The following FBXO47 variants were observed in gnomAD, a reference collection of about 807,000 sequenced individuals.
FBXO47 encodes the protein F-box protein 47.
Under a neutral mutation model 53.9 loss-of-function variants are expected in FBXO47, and 34 were observed. That is an observed-to-expected ratio of 0.63 (90% confidence interval 0.48 to 0.84). The LOEUF is 0.84. Ranked by LOEUF, FBXO47 falls within the 40% of genes least tolerant of loss-of-function variation. The pLI is 0.00. For synonymous variants in FBXO47, 165 were observed against 181.6 expected, an observed-to-expected ratio of 0.91 and a Z score of 0.73; for missense variants, 485 against 541.3, an observed-to-expected ratio of 0.90 and a Z score of 1.03.
intron 6 of FBXO47, among the ~76,000 whole-genome samples, chr17:38,950,728 A>G (rs1054547948): frequency 6.6e-6 from 1 of 152,122 alleles, no homozygotes; most frequent in Non-Finnish European, 1.5e-5. Context: ...GGTTTACAGG[A>G]TGCTATAATG....
chr17:38,958,060 A>G (rs1026394468), intron 3 of FBXO47, among the ~76,000 whole-genome samples: 1 of 151,890 alleles, frequency 6.6e-6, no homozygotes, highest in Admixed American at 6.6e-5. Flanking sequence ...CGATCTCTTG[A>G]CCTCATGATC....
chr17:38,957,095 A>G, intron 4 of FBXO47, 82 bp downstream of exon 4: 1 of 871,754 alleles, frequency 1.1e-6, no homozygotes, highest in South Asian at 1.6e-5. Flanking sequence ...CTACTAATAT[A>G]GAGTAAAATG....
intron 6 of FBXO47, among the ~76,000 whole-genome samples, chr17:38,945,592 A>G (rs1221679389): frequency 6.6e-6 from 1 of 152,074 alleles, no homozygotes; most frequent in African/African-American, 2.4e-5. Context: ...TGAGGTCAGG[A>G]GTTCAAGACC....
chr17:38,964,822 T>A (rs1286070035), intron 1 of FBXO47, among the ~76,000 whole-genome samples: 1 of 150,432 alleles, frequency 6.6e-6, no homozygotes, highest in African/African-American at 2.4e-5. Context: ...CACTAAATAA[T>A]TTTTTTTTTA....
intron 5 of FBXO47, among the ~76,000 whole-genome samples, chr17:38,952,266 G>A (rs1179618128): frequency 1.3e-5 from 2 of 152,086 alleles, no homozygotes; most frequent in African/African-American, 2.4e-5. Context: ...AGGCTGCGGT[G>A]AGCCAAGATT....
Position 38,945,945 on chromosome 17 carries a change from A to AT in FBXO47, c.617-810_617-809insA, listed in dbSNP as rs1301925532. On this transcript the variant is annotated intron_variant, in intron 6 of 10. Coordinates refer to ENST00000378079, the MANE Select transcript of FBXO47 (RefSeq NM_001008777.3). ...AGCGAGACTCTGGCTCAAAAAAAAA[A>AT]AAAATATATATATATATATAAATAT... Among the ~76,000 whole-genome samples, 18 of 134,622 alleles carry AT rather than the reference A, an allele frequency of 1.3e-4. No homozygotes were observed. The East Asian group carries it at 1.6e-3, about 12-fold the overall frequency. 88.3% of individuals were successfully genotyped at this position (134,622 alleles called of 152,430 possible). A position where few individuals can be genotyped will look rare whatever the true frequency, so the allele number is the denominator to read the frequency against.
rs1170091487 is a variant in FBXO47 at position 38,957,269 on chromosome 17, G to A, written c.353-16C>T. The A allele has an allele frequency of 4.5e-6, 7 of 1,571,890 alleles. No individual in the cohort carries two copies. Among genetic ancestry groups the A allele is most frequent in the African/African-American group, 4.1e-5 (3 of 73,900 alleles). ...AACAGTAGACCTAAGAAAGTAAAGA[G>A]ACATAAGAAAAAATGACAACAATAC... is the stretch of plus-strand genomic sequence containing the variant. On this transcript the variant is annotated splice_polypyrimidine_tract_variant and intron_variant, in intron 3 of 10. Transcript: ENST00000378079.
chr17:38,945,935 C>CA (rs34412322), intron 6 of FBXO47, among the ~76,000 whole-genome samples: 17,472 of 94,346 alleles, frequency 0.19, 1,872 homozygotes, highest in Middle Eastern at 0.25. Flanking sequence ...GACTCTGGCT[C>CA]AAAAAAAAAA....
chr17:38,946,095 T>A (rs1208806038), intron 6 of FBXO47, among the ~76,000 whole-genome samples: 1 of 126,654 alleles, frequency 7.9e-6, no homozygotes, highest in African/African-American at 3.0e-5. Flanking sequence ...TACATAAATA[T>A]ATATTTATAT....
rs80259632 is a variant in FBXO47, at chr17:38,945,183, T to G, written c.617-47A>C. ...AAATCATTCTTCGTAGAAAGGCTGC[T>G]GTGCATATTGAATAGTGATCAAAGC... On this transcript the variant is annotated intron_variant, in intron 6 of 10. Coordinates refer to ENST00000378079, the MANE Select transcript of FBXO47 (RefSeq NM_001008777.3). 4.2e-3 allele frequency: 5,994 copies of G among 1,412,518 alleles called. 22 individuals carry two copies. The highest frequency in any genetic ancestry group is 5.4e-3 in the Non-Finnish European group (5,448 of 1,001,242). The allele number at this position is 1,412,518 out of a possible 1,614,324, so 87.5% of individuals were successfully genotyped here.
chr17:38,959,541 T>C (rs1452832214), intron 3 of FBXO47, among the ~76,000 whole-genome samples: 6 of 142,500 alleles, frequency 4.2e-5, no homozygotes, highest in South Asian at 4.3e-4. Flanking sequence ...GGCTGTGCCA[T>C]TGCACTCCAG....
At position 38,962,028 on chromosome 17, in the gene FBXO47, T is replaced by C. The variant is rs1260570176; in HGVS notation, c.201A>G (p.Leu67=). The C allele has an allele frequency of 1.9e-6, 3 of 1,612,360 alleles. No individual in the cohort carries two copies. The highest frequency in any genetic ancestry group is 1.7e-5 in the Admixed American group (1 of 59,168). The part of the protein sequence containing the change: ...KYLSVKDISM[L]SMVSKTVSQH... The stretch of plus-strand genomic sequence containing the variant: ...GGCTGACTGTTTTGGACACCATGCT[T>C]AGCATGCTGATATCCTTCACTACCA... The change falls in exon 3 of 11, where the codon CTA becomes CTG. Residue 67 remains leucine, a synonymous_variant. Transcript: ENST00000378079.
At position 38,961,478 on chromosome 17, in the gene FBXO47, T is replaced by C. The variant is rs748098486; in HGVS notation, c.352+399A>G. ...CCGTAGTTTCTGCTGAGAGGATAAA[T>C]AGTCTTCCATAATAATGTGTTTAAA... On this transcript the variant is annotated intron_variant, in intron 3 of 10. Coordinates refer to ENST00000378079, the MANE Select transcript of FBXO47 (RefSeq NM_001008777.3). Among the ~76,000 whole-genome samples the C allele has an allele frequency of 3.3e-5, 5 of 152,306 alleles. No homozygotes were observed. In the South Asian group the frequency reaches 6.2e-4, roughly 19 times the overall value.
At position 38,939,792 on chromosome 17, in the gene FBXO47, C is replaced by T. The variant is rs894699119; in HGVS notation, c.1084-1060G>A. 1.3e-4 allele frequency among the ~76,000 whole-genome samples: 19 copies of T among 150,042 alleles called. No individual in the cohort carries two copies. The South Asian group carries it at 3.1e-3, about 25-fold the overall frequency. ...ACGCCATTCTCCTGCCTCAGCCTCC[C>T]GAGTAGCTGGGACTACAGGCGCCCG... On this transcript the variant is annotated intron_variant, in intron 9 of 10. Coordinates refer to ENST00000378079, the MANE Select transcript of FBXO47 (RefSeq NM_001008777.3).
At chr17:38,944,272 T>C (rs1194619897) in intron 7 of FBXO47, among the ~76,000 whole-genome samples, 1 of 148,984 alleles carries the variant, frequency 6.7e-6, no homozygotes, top group Non-Finnish European at 1.5e-5. Flanking sequence ...ATGTATGTAA[T>C]TCTAGCACTT....
In FBXO47 at chr17:38,964,111, A is replaced by T. The variant is rs1598151135; in HGVS notation, c.-26-1060T>A. On this transcript the variant is annotated intron_variant, in intron 1 of 10. Coordinates refer to ENST00000378079, the MANE Select transcript of FBXO47 (RefSeq NM_001008777.3). ...GCACAAGCCACTGTGTGTTAATAAG[A>T]CTAGAATAAATACATGAATAGTAAT... Among the ~76,000 whole-genome samples the T allele has an allele frequency of 2.6e-5, 4 of 152,284 alleles. No individual in the cohort carries two copies. The East Asian group carries it at 7.7e-4, about 29-fold the overall frequency.
chr17:38,942,739 G>A lies in FBXO47; in HGVS notation c.1083+39C>T, dbSNP rs1904566215. The stretch of plus-strand genomic sequence containing the variant: ...CAGCTCCCTGTAGGTCAATTGTAGT[G>A]TTAAAAAACTTGCTAGAGAAAAACT... On this transcript the variant is annotated intron_variant, in intron 9 of 10. Transcript: ENST00000378079. 4 of 1,576,936 alleles carry A rather than the reference G, an allele frequency of 2.5e-6. No individual in the cohort carries two copies. The African/African-American group carries it at 5.5e-5, about 21-fold the overall frequency.
intron 3 of FBXO47, 51 bp downstream of exon 3, chr17:38,961,826 C>A: frequency 6.6e-7 from 1 of 1,506,028 alleles, no homozygotes; most frequent in Non-Finnish European, 9.1e-7. Context: ...CTAAGTTTCT[C>A]TTAATTAAGC....
intron 5 of FBXO47, among the ~76,000 whole-genome samples, chr17:38,952,504 G>A (rs951681574): frequency 4.0e-5 from 6 of 151,584 alleles, no homozygotes; most frequent in Admixed American, 3.9e-4. Flanking sequence ...TGGAAAGGAA[G>A]TATCTTTTCA....
Sources: gnomAD v4.1 joint callset for allele counts (sites outside exome capture counted in the v4.1 genomes callset) on GRCh38, gnomAD v4.1.1 for gene constraint, MANE v1.5 for transcripts, NCBI Gene and HGNC (gene_info 2026-07-23, HGNC 2026-07-21) for gene names.